NHSL2: variants seen among roughly 807,000 people sequenced by gnomAD.
NHSL2 encodes the protein NHS like 2.
Under a neutral mutation model 53.4 loss-of-function variants are expected in NHSL2, and 27 were observed. The ratio of observed to expected loss-of-function variants is 0.51; its 90% CI spans 0.37 to 0.70. The LOEUF is 0.70. NHSL2 is among the 30% of genes least tolerant of loss of function. The probability of loss-of-function intolerance (pLI) is 0.00; values close to 1 mark genes in which losing one functional copy is unlikely to be tolerated. For synonymous variants in NHSL2, 408 were observed against 404.1 expected, an observed-to-expected ratio of 1.01 and a Z score of -0.12; for missense variants, 892 against 980.1, an observed-to-expected ratio of 0.91 and a Z score of 1.20.
intron 1 of NHSL2, among the ~76,000 whole-genome samples, chrX:72,100,262 G>T (rs928348986): frequency 1.8e-5 from 2 of 111,954 alleles, no homozygotes; most frequent in African/African-American, 6.5e-5. Context: ...CACAGACCTA[G>T]ATAGTGTAGC....
In NHSL2 at chrX:72,144,498, C is replaced by T; in HGVS notation, c.*924C>T. On this transcript the variant is annotated 3_prime_UTR_variant, in exon 8 of 8. Coordinates refer to ENST00000633930, the MANE Select transcript of NHSL2 (RefSeq NM_001013627.3). Reference sequence around the variant, plus strand: ...AAAATTCATTACAGGAAGTAATTAACTGAAGGAACAGCATCATCAAAGGCT... The same window carrying T: ...AAAATTCATTACAGGAAGTAATTAATTGAAGGAACAGCATCATCAAAGGCT... 3.9e-6 allele frequency: 4 copies of T among 1,014,537 alleles called. No homozygotes were observed. Among genetic ancestry groups the T allele is most frequent in the Non-Finnish European group, 5.2e-6 (4 of 767,233 alleles). 83.6% of individuals were successfully genotyped at this position (1,014,537 alleles called of 1,213,427 possible).
chrX:72,138,072 C>T (rs975390626), intron 5 of NHSL2, among the ~76,000 whole-genome samples: 3 of 111,496 alleles, frequency 2.7e-5, no homozygotes, highest in Admixed American at 9.5e-5. Context: ...GTCCTTAGTT[C>T]GGAAGCCTCT....
chrX:72,131,557 G>T (rs767958753), intron 1 of NHSL2: 3 of 1,150,696 alleles, frequency 2.6e-6, no homozygotes, highest in Non-Finnish European at 1.2e-6. Context: ...AAGCCCAGGG[G>T]CCCTGGGGCT....
chrX:71,992,553 T>C (rs1020531478), intron 1 of NHSL2, among the ~76,000 whole-genome samples: 27 of 112,582 alleles, frequency 2.4e-4, no homozygotes, highest in African/African-American at 8.7e-4. Flanking sequence ...CTAGTACTGT[T>C]TGTCAAAGTC....
chrX:71,999,190 T>G (rs1471309201), intron 1 of NHSL2, among the ~76,000 whole-genome samples: 1 of 112,210 alleles, frequency 8.9e-6, no homozygotes, highest in Non-Finnish European at 1.9e-5. Flanking sequence ...TATTACCCTC[T>G]ATCGTATCCA....
intron 1 of NHSL2, among the ~76,000 whole-genome samples, chrX:72,024,806 A>G (rs1018849817): frequency 8.9e-6 from 1 of 112,379 alleles, no homozygotes; most frequent in Non-Finnish European, 1.9e-5. Flanking sequence ...TGATCGTGTT[A>G]TATTGAAGGT....
rs373380742 is a variant in NHSL2, at chrX:72,130,550, G to T, written c.281-1529G>T. 3.6e-5 allele frequency: 44 copies of T among 1,209,150 alleles called. 1 individual carries two copies. The African/African-American group carries it at 3.7e-4, about 10-fold the overall frequency. Reference sequence around the variant, plus strand: ...TCACTTTCTTCCTCATTGGGACTCGGAGCAAAAGGGAAGATGATATTTCGA... The same window carrying T: ...TCACTTTCTTCCTCATTGGGACTCGTAGCAAAAGGGAAGATGATATTTCGA... On this transcript the variant is annotated intron_variant, in intron 1 of 7. Coordinates refer to ENST00000633930, the MANE Select transcript of NHSL2 (RefSeq NM_001013627.3).
intron 1 of NHSL2, among the ~76,000 whole-genome samples, chrX:72,066,591 A>G (rs2042431223): frequency 1.8e-5 from 2 of 111,382 alleles, no homozygotes; most frequent in African/African-American, 6.6e-5. Context: ...GAAGAGGAGA[A>G]GAGTGGTGAG....
In NHSL2 at chrX:72,134,576, T is replaced by C; in HGVS notation, c.632T>C (p.Leu211Pro). Reference sequence around the variant, plus strand: ...GGTGTGAGGGCCCCCGAGGCCTCCCTGAGCCTGTCTACCACAGCCGACAAG... The same window carrying C: ...GGTGTGAGGGCCCCCGAGGCCTCCCCGAGCCTGTCTACCACAGCCGACAAG... Reference protein sequence around the residue: ...TQGVRAPEASLSLSTTADKQT... With the variant: ...TQGVRAPEASPSLSTTADKQT... The change falls in exon 4 of 8, where the codon CTG becomes CCG. Residue 211 changes from leucine (L) to proline (P), a missense_variant. By Grantham distance (98) the Leu-to-Pro change is moderately conservative. Transcript: ENST00000633930. 1 of 1,166,212 alleles carries C rather than the reference T, an allele frequency of 8.6e-7. No homozygotes were observed. The highest frequency in any genetic ancestry group is 1.1e-6 in the Non-Finnish European group (1 of 871,012).
chrX:72,065,255 CACTA>C (rs2147942182), intron 1 of NHSL2, among the ~76,000 whole-genome samples: 1 of 111,728 alleles, frequency 9.0e-6, no homozygotes, highest in African/African-American at 3.2e-5. Context: ...AATGGGCAGA[CACTA>C]ACTGAGTCAT....
intron 1 of NHSL2, among the ~76,000 whole-genome samples, chrX:72,001,746 C>G (rs1464840709): frequency 8.9e-6 from 1 of 112,125 alleles, no homozygotes; most frequent in Non-Finnish European, 1.9e-5. Context: ...CTTTGCTCCT[C>G]CTTTCTACCT....
At chrX:72,023,696 G>A (rs1191445861) in intron 1 of NHSL2, among the ~76,000 whole-genome samples, 2 of 111,871 alleles carry the variant, frequency 1.8e-5, no homozygotes, top group Non-Finnish European at 3.8e-5. Flanking sequence ...GGTGGTGAGT[G>A]AGGAGCTTGG....
intron 1 of NHSL2, among the ~76,000 whole-genome samples, chrX:72,082,378 T>C (rs1392847573): frequency 8.9e-6 from 1 of 111,769 alleles, no homozygotes; most frequent in Non-Finnish European, 1.9e-5. Flanking sequence ...CATGCCTTAG[T>C]ATTGCAAAAG....
chrX:72,083,025 T>C (rs751726263), intron 1 of NHSL2, among the ~76,000 whole-genome samples: 2 of 112,367 alleles, frequency 1.8e-5, no homozygotes, highest in Non-Finnish European at 1.9e-5. Context: ...CTTGGACAAA[T>C]TGTGTCCCTT....
At chrX:72,111,183 C>T (rs1230345777) in intron 1 of NHSL2, among the ~76,000 whole-genome samples, 5 of 112,246 alleles carry the variant, frequency 4.5e-5, no homozygotes, top group Non-Finnish European at 9.4e-5. Context: ...AGCATCTGGC[C>T]GGCCACCCTA....
At chrX:71,937,027 T>C (rs1055951591) in intron 1 of NHSL2, among the ~76,000 whole-genome samples, 3 of 111,717 alleles carry the variant, frequency 2.7e-5, no homozygotes, top group Non-Finnish European at 5.6e-5. Context: ...AAAATAACTT[T>C]TATAAGATCA....
intron 2 of NHSL2, among the ~76,000 whole-genome samples, chrX:72,133,374 T>C (rs1421961472): frequency 1.8e-5 from 2 of 112,194 alleles, no homozygotes; most frequent in Admixed American, 9.4e-5. Flanking sequence ...TGATTCTGAG[T>C]CTTTGTTCAG....
chrX:72,005,570 G>GAGTGC (rs1010045387), intron 1 of NHSL2, among the ~76,000 whole-genome samples: 1 of 112,115 alleles, frequency 8.9e-6, no homozygotes, highest in Non-Finnish European at 1.9e-5. Context: ...GGGGACAGGA[G>GAGTGC]AGTGCAGCCC....
intron 7 of NHSL2, among the ~76,000 whole-genome samples, chrX:72,142,734 T>A (rs748363140): frequency 1.8e-5 from 2 of 111,402 alleles, no homozygotes; most frequent in South Asian, 7.7e-4. Context: ...CATTTAACCC[T>A]TCACAGAATT....
Sources: gnomAD v4.1 joint callset for allele counts (sites outside exome capture counted in the v4.1 genomes callset) on GRCh38, gnomAD v4.1.1 for gene constraint, MANE v1.5 for transcripts, NCBI Gene and HGNC (gene_info 2026-07-23, HGNC 2026-07-21) for gene names.